PHTF2: variants seen among roughly 807,000 people sequenced by gnomAD.
PHTF2 encodes the protein protein PHTF2.
A neutral mutation model predicts 101.2 loss-of-function variants in PHTF2; 60 were observed. The observed-to-expected ratio is 0.59, with a 90% CI of 0.48 to 0.73. The LOEUF (loss-of-function observed/expected upper bound fraction) is 0.73. PHTF2 is among the 30% of genes least tolerant of loss of function. PHTF2 has a pLI of 0.00. For missense variants in PHTF2, 747 were observed against 908.7 expected (o/e 0.82, Z 2.29); for synonymous variants, 311 against 307.3 (o/e 1.01, Z -0.13).
At chr7:77,872,115 G>A (rs907077840) in intron 3 of PHTF2, among the ~76,000 whole-genome samples, 6 of 152,228 alleles carry the variant, frequency 3.9e-5, no homozygotes, top group African/African-American at 1.4e-4. Context: ...CTCAGCAATG[G>A]CTGCAGCCAG....
At chr7:77,931,292 T>A (rs1431860256) in intron 12 of PHTF2, among the ~76,000 whole-genome samples, 1 of 152,226 alleles carries the variant, frequency 6.6e-6, no homozygotes, top group Non-Finnish European at 1.5e-5. Flanking sequence ...TTTAAAACTT[T>A]GGGCGTGTTA....
At chr7:77,947,532 C>G (rs1419544793) in intron 16 of PHTF2, among the ~76,000 whole-genome samples, 2 of 151,924 alleles carry the variant, frequency 1.3e-5, no homozygotes, top group Non-Finnish European at 2.9e-5. Flanking sequence ...CACTGCACTC[C>G]AGCCTGGGCG....
intron 5 of PHTF2, among the ~76,000 whole-genome samples, chr7:77,898,470 ATG>A (rs1801078277): frequency 6.6e-6 from 1 of 152,236 alleles, no homozygotes; most frequent in South Asian, 2.1e-4. Flanking sequence ...GTTTAAATAT[ATG>A]TATTATTACA....
intron 1 of PHTF2, among the ~76,000 whole-genome samples, chr7:77,821,218 T>G (rs1416702226): frequency 4.6e-5 from 7 of 152,202 alleles, no homozygotes; most frequent in Non-Finnish European, 5.9e-5. Context: ...ATTAGTCTAA[T>G]GGGAATTCCA....
intron 1 of PHTF2, among the ~76,000 whole-genome samples, chr7:77,801,279 G>A (rs1467366873): frequency 6.6e-6 from 1 of 152,164 alleles, no homozygotes; most frequent in African/African-American, 2.4e-5. Flanking sequence ...CAAGACACTT[G>A]ACTTCATGTG....
chr7:77,951,030 T>G (rs1436903781), intron 17 of PHTF2, among the ~76,000 whole-genome samples: 3 of 152,226 alleles, frequency 2.0e-5, no homozygotes, highest in African/African-American at 4.8e-5. Flanking sequence ...TAGGCTTGCT[T>G]CTTCCACTGG....
chr7:77,859,814 A>G (rs769428498), intron 3 of PHTF2, among the ~76,000 whole-genome samples: 19 of 152,024 alleles, frequency 1.2e-4, no homozygotes, highest in Admixed American at 3.3e-4. Context: ...GGCTGAAGCA[A>G]TCCTCCTGCT....
intron 9 of PHTF2, among the ~76,000 whole-genome samples, chr7:77,920,024 T>G (rs1681898984): frequency 6.6e-6 from 1 of 152,198 alleles, no homozygotes. Flanking sequence ...TACTAAGAAT[T>G]TTTTGATAAG....
chr7:77,954,842 ATTT>A lies in PHTF2; in HGVS notation c.2338-7_2338-5del. ...TTAAAACTGGCTTGTCACCACTTCT[ATTT>A]TTTTTTTTCTAGCTATGGAAGATTA... On this transcript the variant is annotated splice_polypyrimidine_tract_variant and intron_variant, in intron 19 of 19. Transcript: ENST00000416283. The A allele has an allele frequency of 1.6e-6, 2 of 1,214,254 alleles. No individual in the cohort carries two copies. Among genetic ancestry groups the A allele is most frequent in the Non-Finnish European group, 2.3e-6 (2 of 872,582 alleles). 75.2% of individuals were successfully genotyped at this position (1,214,254 alleles called of 1,614,324 possible).
exon 18 of PHTF2, chr7:77,951,627 A>T (rs1238413248): frequency 2.2e-6 from 3 of 1,363,782 alleles, no homozygotes; most frequent in Non-Finnish European, 3.0e-6. Context: ...ATAAACCTCT[A>T]CTTGAAAATG....
chr7:77,943,591 G>T (rs1805813862), intron 16 of PHTF2, among the ~76,000 whole-genome samples: 1 of 152,072 alleles, frequency 6.6e-6, no homozygotes, highest in African/African-American at 2.4e-5. Flanking sequence ...TGAGGGTTGT[G>T]TCATGGGCCG....
chr7:77,832,924 C>T (rs541475691), intron 1 of PHTF2, among the ~76,000 whole-genome samples: 1 of 152,068 alleles, frequency 6.6e-6, no homozygotes, highest in Non-Finnish European at 1.5e-5. Flanking sequence ...CAAAACCAGT[C>T]CCTGGTGCTA....
At chr7:77,952,302 A>G (rs1011237662) in intron 18 of PHTF2, among the ~76,000 whole-genome samples, 1 of 152,122 alleles carries the variant, frequency 6.6e-6, no homozygotes, top group African/African-American at 2.4e-5. Context: ...TCTATAACCA[A>G]TTGAATATAA....
At chr7:77,844,178 T>C (rs1796096002) in intron 2 of PHTF2, among the ~76,000 whole-genome samples, 2 of 151,960 alleles carry the variant, frequency 1.3e-5, no homozygotes, top group South Asian at 4.2e-4. Flanking sequence ...TTGTATTTTT[T>C]TGACGGGATT....
At chr7:77,887,181 TTTACATATA>T (rs1169027786) in intron 3 of PHTF2, among the ~76,000 whole-genome samples, 3 of 149,978 alleles carry the variant, frequency 2.0e-5, no homozygotes, top group African/African-American at 7.6e-5. Flanking sequence ...GGTGTATATA[TTTACATATA>T]TTTAATATAG....
At chr7:77,835,292 GAAAA>G (rs902868894) in intron 1 of PHTF2, among the ~76,000 whole-genome samples, 1 of 139,920 alleles carries the variant, frequency 7.1e-6, no homozygotes, top group Admixed American at 7.1e-5. Flanking sequence ...AAAAAAACAA[GAAAA>G]AAAAAAGAAA....
intron 2 of PHTF2, among the ~76,000 whole-genome samples, chr7:77,845,629 TAATG>T (rs1453585457): frequency 1.3e-5 from 2 of 152,172 alleles, no homozygotes; most frequent in Non-Finnish European, 2.9e-5. Context: ...TCAGCCATGT[TAATG>T]TGTGTGTGGG....
At chr7:77,923,163 G>C (rs1412809011) in intron 11 of PHTF2, 1 of 959,356 alleles carries the variant, frequency 1.0e-6, no homozygotes, top group Non-Finnish European at 1.2e-6. Flanking sequence ...GCTGTCACCA[G>C]TTATTAAGTC....
At chr7:77,913,132 A>G (rs1198532760) in intron 9 of PHTF2, among the ~76,000 whole-genome samples, 1 of 152,180 alleles carries the variant, frequency 6.6e-6, no homozygotes, top group Non-Finnish European at 1.5e-5. Flanking sequence ...TCATGCCTGT[A>G]ATCCCAGCAC....
Sources: allele counts gnomAD v4.1 joint callset (sites outside exome capture counted in the v4.1 genomes callset), GRCh38; gene constraint gnomAD v4.1.1; transcripts MANE v1.5; gene names NCBI Gene and HGNC (gene_info 2026-07-23, HGNC 2026-07-21).